Variants in C10orf90 observed in about 807,000 individuals in gnomAD.
C10orf90 encodes the protein (E2-independent) E3 ubiquitin-conjugating enzyme FATS.
Under a neutral mutation model 62.5 loss-of-function variants are expected in C10orf90, and 56 were observed. The observed-to-expected ratio is 0.90, with a 90% CI of 0.72 to 1.12. The LOEUF is 1.12. Ranked by LOEUF, C10orf90 falls within the 50% of genes most tolerant of loss-of-function variation. The pLI, the probability that C10orf90 is intolerant of heterozygous loss-of-function variation, is 0.00. For missense variants in C10orf90, 970 were observed against 880.4 expected (o/e 1.10, Z -1.29); for synonymous variants, 386 against 340.4 (o/e 1.13, Z -1.47).
At chr10:126,655,822 GAC>G (rs1358045881) in intron 1 of C10orf90, among the ~76,000 whole-genome samples, 1 of 112,668 alleles carries the variant, frequency 8.9e-6, no homozygotes, top group Non-Finnish European at 1.9e-5. Flanking sequence ...AAGCAACAGA[GAC>G]AAAACAAAAC....
At chr10:126,630,597 G>T (rs952353163) in intron 2 of C10orf90, among the ~76,000 whole-genome samples, 4 of 152,284 alleles carry the variant, frequency 2.6e-5, no homozygotes, top group African/African-American at 7.2e-5. Context: ...CAATTACCAT[G>T]AGTGATCACC....
chr10:126,438,304 T>C (rs139709286), intron 7 of C10orf90, among the ~76,000 whole-genome samples: 68 of 152,332 alleles, frequency 4.5e-4, no homozygotes, highest in African/African-American at 1.3e-3. Context: ...CAGATTTCTA[T>C]GGAAAATGGC....
intron 1 of C10orf90, among the ~76,000 whole-genome samples, chr10:126,663,993 C>T (rs1029752789): frequency 6.6e-5 from 10 of 152,068 alleles, no homozygotes; most frequent in African/African-American, 2.4e-4. Flanking sequence ...CTACCTTAGC[C>T]CTAGCTTTAT....
At chr10:126,427,992 C>T (rs1277936986) in intron 8 of C10orf90, among the ~76,000 whole-genome samples, 2 of 152,112 alleles carry the variant, frequency 1.3e-5, no homozygotes, top group African/African-American at 4.8e-5. Context: ...ACTTCTGATT[C>T]AGTGTTTTCT....
Position 126,670,611 on chromosome 10 carries a change from A to G in C10orf90, c.-131T>C, listed in dbSNP as rs557477085. On this transcript the variant is annotated 5_prime_UTR_variant, in exon 1 of 10. Transcript: ENST00000488181. ...CTCGGACCTGTCCCAGTGTTTTCCAACTCCAGAGCTAGTTGTCTCAATATC... is the reference window on the plus strand; with the variant it reads ...CTCGGACCTGTCCCAGTGTTTTCCAGCTCCAGAGCTAGTTGTCTCAATATC... 1.4e-5 allele frequency: 5 copies of G among 360,354 alleles called. No individual in the cohort carries two copies. Among genetic ancestry groups the G allele is most frequent in the Non-Finnish European group, 2.7e-5 (5 of 183,804 alleles). 22.3% of individuals were successfully genotyped at this position (360,354 alleles called of 1,614,324 possible).
intron 2 of C10orf90, among the ~76,000 whole-genome samples, chr10:126,608,171 C>T (rs1845354365): frequency 6.6e-6 from 1 of 152,180 alleles, no homozygotes; most frequent in African/African-American, 2.4e-5. Flanking sequence ...TGCAGTGGTG[C>T]CATCAGGGCT....
intron 2 of C10orf90, among the ~76,000 whole-genome samples, chr10:126,588,218 AGG>A (rs1844911857): frequency 6.6e-6 from 1 of 152,166 alleles, no homozygotes; most frequent in Non-Finnish European, 1.5e-5. Context: ...CAGAGTCCCC[AGG>A]GGGAAGGGTG....
intron 2 of C10orf90, among the ~76,000 whole-genome samples, chr10:126,636,016 G>C (rs990073643): frequency 6.6e-6 from 1 of 152,150 alleles, no homozygotes; most frequent in Non-Finnish European, 1.5e-5. Context: ...AAGGGAGAAG[G>C]TTCCGGGAGG....
At chr10:126,513,147 C>A (rs1292003508) in intron 3 of C10orf90, among the ~76,000 whole-genome samples, 1 of 152,144 alleles carries the variant, frequency 6.6e-6, no homozygotes, top group Non-Finnish European at 1.5e-5. Flanking sequence ...AAAGTCCATA[C>A]TGTAAATCTG....
intron 6 of C10orf90, among the ~76,000 whole-genome samples, chr10:126,460,538 G>A (rs563565003): frequency 6.6e-6 from 1 of 152,376 alleles, no homozygotes; most frequent in South Asian, 2.1e-4. Flanking sequence ...ACCAGGAACA[G>A]AGAACCACAA....
chr10:126,514,560 T>G (rs2133921232), intron 2 of C10orf90, among the ~76,000 whole-genome samples: 1 of 152,336 alleles, frequency 6.6e-6, no homozygotes. Flanking sequence ...GAACCGGGAT[T>G]CTAGTGCTGG....
chr10:126,447,898 G>T (rs555638505), intron 7 of C10orf90, among the ~76,000 whole-genome samples: 112 of 152,096 alleles, frequency 7.4e-4, no homozygotes, highest in African/African-American at 2.4e-3. Flanking sequence ...CCGGGTTGGA[G>T]TGGAGTGCAG....
rs1240579692 is a variant in C10orf90, at chr10:126,504,090, GT to G, written c.1400del (p.Asn467ThrfsTer14). On this transcript the variant is annotated frameshift_variant, in exon 4 of 10. Coordinates refer to ENST00000488181, the MANE Select transcript of C10orf90 (RefSeq NM_001350921.2). LOFTEE classifies it high-confidence loss of function. The surrounding 1 kb of genome is among the most constrained non-coding windows in gnomAD (Gnocchi z 4.1). ...TAGCTCCCACATTTGCCAATTCTGT[GT>G]TTTCCAATGGAAAAGAACCACTCCA... ...CPWSGSFPLENTELANVGANQ... is the reference protein window; with the variant it reads ...CPWSGSFPLEXTELANVGANQ... 3.1e-6 allele frequency: 5 copies of G among 1,613,880 alleles called. No individual in the cohort carries two copies. The highest frequency in any genetic ancestry group is 4.2e-6 in the Non-Finnish European group (5 of 1,180,028).
intron 7 of C10orf90, among the ~76,000 whole-genome samples, chr10:126,445,195 G>T (rs1366662892): frequency 6.6e-6 from 1 of 152,148 alleles, no homozygotes; most frequent in African/African-American, 2.4e-5. Flanking sequence ...AAGAGCTTTT[G>T]CATGACAAAA....
At chr10:126,534,358 T>C (rs1864179859) in intron 2 of C10orf90, among the ~76,000 whole-genome samples, 1 of 152,194 alleles carries the variant, frequency 6.6e-6, no homozygotes. Flanking sequence ...GCTCATCTCT[T>C]CTCTGCCATT....
chr10:126,574,764 T>C (rs1844576384), intron 2 of C10orf90, among the ~76,000 whole-genome samples: 3 of 152,096 alleles, frequency 2.0e-5, no homozygotes, highest in African/African-American at 7.2e-5. Flanking sequence ...AAACTAAAAA[T>C]AGGAGGGAAC....
At chr10:126,565,888 C>G (rs1844376102) in intron 2 of C10orf90, among the ~76,000 whole-genome samples, 1 of 152,194 alleles carries the variant, frequency 6.6e-6, no homozygotes, top group Non-Finnish European at 1.5e-5. Context: ...ATGCACCTAA[C>G]AGCATGTTAC....
intron 4 of C10orf90, among the ~76,000 whole-genome samples, chr10:126,494,018 C>T (rs1349750480): frequency 1.3e-5 from 2 of 152,160 alleles, no homozygotes; most frequent in African/African-American, 4.8e-5. Context: ...CAGTGGTCCA[C>T]GTGCTCTTAC....
intron 2 of C10orf90, among the ~76,000 whole-genome samples, chr10:126,521,952 C>T (rs1282200124): frequency 6.6e-6 from 1 of 152,170 alleles, no homozygotes; most frequent in African/African-American, 2.4e-5. Flanking sequence ...GTCATTGACT[C>T]AAACCCAAAA....
Sources: allele counts gnomAD v4.1 joint callset (sites outside exome capture counted in the v4.1 genomes callset), GRCh38; gene constraint gnomAD v4.1.1; non-coding constraint Gnocchi (gnomAD v3.1); transcripts MANE v1.5; gene names NCBI Gene and HGNC (gene_info 2026-07-23, HGNC 2026-07-21).